Variants in DDX60 observed in about 807,000 individuals in gnomAD.
The protein encoded by DDX60 is DExD/H-box helicase 60.
A neutral mutation model predicts 212.8 loss-of-function variants in DDX60; 165 were observed. The ratio of observed to expected loss-of-function variants is 0.78; its 90% confidence interval spans 0.68 to 0.88. The LOEUF (loss-of-function observed/expected upper bound fraction) is 0.88. Ranked by LOEUF, DDX60 falls within the 40% of genes least tolerant of loss-of-function variation. The pLI, the probability that DDX60 is intolerant of heterozygous loss-of-function variation, is 0.00. For missense variants in DDX60, 1,905 were observed against 2,003.9 expected (o/e 0.95, Z 0.94); for synonymous variants, 703 against 685.3 (o/e 1.03, Z -0.40).
intron 26 of DDX60, among the ~76,000 whole-genome samples, chr4:168,253,032 T>C (rs1291910051): frequency 1.3e-5 from 2 of 152,170 alleles, no homozygotes; most frequent in Non-Finnish European, 2.9e-5. Flanking sequence ...CTTGAACTCC[T>C]GACCTCGTGG....
intron 25 of DDX60, among the ~76,000 whole-genome samples, chr4:168,258,601 T>C (rs1198622333): frequency 6.6e-6 from 1 of 152,184 alleles, no homozygotes; most frequent in Non-Finnish European, 1.5e-5. Context: ...TTGTAGAGAA[T>C]TCAAGAGTCA....
chr4:168,267,924 G>C lies in DDX60; in HGVS notation c.2846C>G (p.Thr949Ser), dbSNP rs891872938. ...ACGACCCACATGTCTTTTAGAAGCGGTATTATTTTCAATTATTTTGTCTTC... is the reference window on the plus strand; with the variant it reads ...ACGACCCACATGTCTTTTAGAAGCGCTATTATTTTCAATTATTTTGTCTTC... ...KQEDKIIENNTASKRHVGRQA... is the reference protein window; with the variant it reads ...KQEDKIIENNSASKRHVGRQA... The change falls in exon 21 of 38, where the codon ACC becomes AGC. Residue 949 changes from threonine (T) to serine (S), a missense_variant. By Grantham distance (58) the Thr-to-Ser change is moderately conservative. Transcript: ENST00000393743. 1 of 1,612,792 alleles carries C rather than the reference G, an allele frequency of 6.2e-7. No individual in the cohort carries two copies. The highest frequency in any genetic ancestry group is 8.5e-7 in the Non-Finnish European group (1 of 1,179,230).
rs1733171079 is a variant in DDX60, at chr4:168,224,293, GACAA to G, written c.4770_4773del (p.Ser1593GlyfsTer10). On this transcript the variant is annotated frameshift_variant, in exon 35 of 38. Transcript: ENST00000393743. LOFTEE classifies it high-confidence loss of function. ...AAATCATCATCAAAGTTCCCAGACA[GACAA>G]ACAAATGGTGAAATTGCTACTCTTC... The G allele has an allele frequency of 3.1e-6, 5 of 1,612,414 alleles. No individual in the cohort carries two copies. Among genetic ancestry groups the G allele is most frequent in the Admixed American group, 1.7e-5 (1 of 59,850 alleles).
intron 18 of DDX60, among the ~76,000 whole-genome samples, chr4:168,272,759 G>A (rs564678667): frequency 1.3e-5 from 2 of 152,288 alleles, no homozygotes; most frequent in East Asian, 3.9e-4. Context: ...TCTTTGAAAG[G>A]CAATCTGGGT....
rs780416678 is a variant in DDX60 at position 168,284,910 on chromosome 4, C to T, written c.1471G>A (p.Val491Ile). The change falls in exon 12 of 38, where the codon GTT becomes ATT. Residue 491 changes from valine (V) to isoleucine (I), a missense_variant. By Grantham distance (29) the Val-to-Ile change is conservative. Transcript: ENST00000393743. ...AGTTCATCAAATTCCTTTTGTTTAA[C>T]CAGTGAAGTAACAATAGGATCATCA... is the stretch of plus-strand genomic sequence containing the variant. ...KSDDPIVTSL[V>I]KQKEFDELVH... 1.9e-6 allele frequency: 3 copies of T among 1,593,244 alleles called. No individual in the cohort carries two copies. The highest frequency in any genetic ancestry group is 2.3e-5 in the South Asian group (2 of 87,726).
Position 168,273,950 on chromosome 4 carries a change from T to C in DDX60, c.2438A>G (p.Tyr813Cys). The C allele has an allele frequency of 6.2e-7, 1 of 1,614,104 alleles. No homozygotes were observed. The highest frequency in any genetic ancestry group is 1.1e-5 in the South Asian group (1 of 91,068). The change falls in exon 17 of 38, where the codon TAC (tyrosine) becomes TGC (cysteine). Residue 813 changes from tyrosine (Y) to cysteine (C), a missense_variant. Physicochemically the swap from Tyr to Cys is radical, Grantham distance 194. Transcript: ENST00000393743. ...LKESDDGVVV[Y>C]VAPTKALVNQ... ...GAGCACTACCTTTGTGGGTGCAACGTACACGACCACCCCGTCGTCGCTCTC... is the reference window on the plus strand; with the variant it reads ...GAGCACTACCTTTGTGGGTGCAACGCACACGACCACCCCGTCGTCGCTCTC...
intron 3 of DDX60, among the ~76,000 whole-genome samples, chr4:168,310,788 G>A (rs1173319577): frequency 6.6e-6 from 1 of 152,012 alleles, no homozygotes; most frequent in Admixed American, 6.6e-5. Context: ...CTCATTATCC[G>A]GCTGGCATGA....
chr4:168,242,199 G>A (rs1733865027), intron 30 of DDX60, among the ~76,000 whole-genome samples: 1 of 152,172 alleles, frequency 6.6e-6, no homozygotes, highest in Non-Finnish European at 1.5e-5. Flanking sequence ...GCAGAGATGG[G>A]GCCCTCATGG....
chr4:168,225,891 C>T (rs1476992494), intron 33 of DDX60, among the ~76,000 whole-genome samples: 1 of 152,036 alleles, frequency 6.6e-6, no homozygotes. Flanking sequence ...ATACCTTACT[C>T]ATTACCCTTA....
At chr4:168,278,898 T>C (rs1295788516) in intron 14 of DDX60, among the ~76,000 whole-genome samples, 1 of 152,174 alleles carries the variant, frequency 6.6e-6, no homozygotes, top group African/African-American at 2.4e-5. Context: ...TGCTGCCACA[T>C]TTCTGGCAGA....
intron 35 of DDX60, 126 bp downstream of exon 35, chr4:168,224,117 T>G (rs17526539): frequency 0.044 from 43,928 of 993,126 alleles, 1,179 homozygotes; most frequent in Non-Finnish European, 0.054. Context: ...ATATATCTGT[T>G]GATACACCCA....
intron 28 of DDX60, among the ~76,000 whole-genome samples, chr4:168,249,805 A>G (rs1261266929): frequency 6.6e-6 from 1 of 152,196 alleles, no homozygotes; most frequent in African/African-American, 2.4e-5. Context: ...TGCAAATGCT[A>G]CATCTTATTT....
At chr4:168,285,916 GA>G (rs1735814189) in intron 10 of DDX60, among the ~76,000 whole-genome samples, 1 of 54,900 alleles carries the variant, frequency 1.8e-5, no homozygotes, top group Non-Finnish European at 3.7e-5. Flanking sequence ...AGGAAGGAAG[GA>G]AGGAAGGAAG....
At chr4:168,264,908 T>C (rs1197874712) in intron 22 of DDX60, among the ~76,000 whole-genome samples, 1 of 152,198 alleles carries the variant, frequency 6.6e-6, no homozygotes, top group Non-Finnish European at 1.5e-5. Flanking sequence ...ATTTGTACCA[T>C]TCTTTATTTA....
Position 168,224,276 on chromosome 4 carries a change from A to C in DDX60, c.4791T>G (p.Asp1597Glu). The C allele has an allele frequency of 6.2e-7, 1 of 1,612,570 alleles. No homozygotes were observed. The highest frequency in any genetic ancestry group is 2.2e-5 in the East Asian group (1 of 44,788). The change falls in exon 35 of 38, where the codon GAT (aspartate) becomes GAG (glutamate). Residue 1597 changes from aspartate to glutamate, a missense_variant. Transcript: ENST00000393743. Reference sequence around the variant, plus strand: ...GAGTTTCTAGTCGAAGCAAATCATCATCAAAGTTCCCAGACAGACAAACAA... The same window carrying C: ...GAGTTTCTAGTCGAAGCAAATCATCCTCAAAGTTCCCAGACAGACAAACAA... ...SPFVCLSGNF[D>E]DDLLRLETPN...
At chr4:168,234,119 T>C (rs1560816118) in intron 33 of DDX60, among the ~76,000 whole-genome samples, 1 of 152,100 alleles carries the variant, frequency 6.6e-6, no homozygotes, top group African/African-American at 2.4e-5. Context: ...AGGAAATGTG[T>C]CACTTTATTT....
At chr4:168,257,820 T>C (rs1734473971) in intron 25 of DDX60, among the ~76,000 whole-genome samples, 2 of 152,180 alleles carry the variant, frequency 1.3e-5, no homozygotes, top group African/African-American at 4.8e-5. Flanking sequence ...CACATATGTA[T>C]CTGAAGGGAG....
chr4:168,262,775 C>A lies in DDX60; in HGVS notation c.3052G>T (p.Gly1018Ter). Residue 1018 changes from glycine (G) to a stop codon, truncating the protein, a stop_gained, in exon 23 of 38, where the codon GGA (glycine) becomes TGA (stop). Transcript: ENST00000393743. LOFTEE classifies it high-confidence loss of function. ...GAAAGGGTAAGATCAGGAGGGAATCCATACCTTTCAATCTGTTTAAAATAA... is the reference window on the plus strand; with the variant it reads ...GAAAGGGTAAGATCAGGAGGGAATCAATACCTTTCAATCTGTTTAAAATAA... ...ALTTDHIERY[G>*]FPPDLTLSPR... 1 of 1,602,904 alleles carries A rather than the reference C, an allele frequency of 6.2e-7. No individual in the cohort carries two copies. The highest frequency in any genetic ancestry group is 1.1e-5 in the South Asian group (1 of 88,980).
chr4:168,238,655 TAGTCAGAGATGGCAA>T (rs1560819664), intron 30 of DDX60, among the ~76,000 whole-genome samples: 110 of 152,138 alleles, frequency 7.2e-4, no homozygotes, highest in African/African-American at 2.6e-3. Context: ...ATGCCACATA[TAGTCAGAGATGGCAA>T]TAGTCAGAAA....
Sources: allele counts gnomAD v4.1 joint callset (sites outside exome capture counted in the v4.1 genomes callset), GRCh38; gene constraint gnomAD v4.1.1; transcripts MANE v1.5; gene names NCBI Gene and HGNC (gene_info 2026-07-23, HGNC 2026-07-21).